Variants in CCT3 observed in about 807,000 individuals in gnomAD.
The protein encoded by CCT3 is T-complex protein 1 subunit gamma.
A neutral mutation model predicts 65.3 loss-of-function variants in CCT3; 10 were observed. That is an observed-to-expected ratio of 0.15 (90% confidence interval 0.09 to 0.26). CCT3 has a LOEUF of 0.26. Among genes scored for constraint, CCT3 ranks in the 10% least tolerant of loss-of-function variants. The pLI is 1.00. For missense variants in CCT3, 626 were observed against 708.7 expected, an observed-to-expected ratio of 0.88 and a Z score of 1.33; for synonymous variants, 225 against 242.3, an observed-to-expected ratio of 0.93 and a Z score of 0.66.
intron 10 of CCT3, among the ~76,000 whole-genome samples, chr1:156,312,519 C>T (rs1377868192): frequency 6.6e-6 from 1 of 152,030 alleles, no homozygotes; most frequent in East Asian, 1.9e-4. Flanking sequence ...ACTAGCTGGG[C>T]ACAGTGATGC....
intron 5 of CCT3, among the ~76,000 whole-genome samples, chr1:156,332,499 T>C (rs1665145275): frequency 6.6e-6 from 1 of 152,212 alleles, no homozygotes; most frequent in Admixed American, 6.5e-5. Flanking sequence ...TTTCTTATTA[T>C]TTGTAACCCC....
At chr1:156,309,827 A>G (rs932032262) in intron 13 of CCT3, among the ~76,000 whole-genome samples, 3 of 151,406 alleles carry the variant, frequency 2.0e-5, no homozygotes, top group African/African-American at 4.8e-5. Context: ...TCACAAGGTC[A>G]GGAGTTCGAG....
chr1:156,326,338 A>T (rs1664806334), intron 5 of CCT3, among the ~76,000 whole-genome samples: 1 of 152,064 alleles, frequency 6.6e-6, no homozygotes, highest in Non-Finnish European at 1.5e-5. Context: ...CAAAAAAATA[A>T]AAAATTAAAA....
intron 2 of CCT3, 35 bp from the exon 3 acceptor site, chr1:156,334,953 A>C: frequency 6.3e-7 from 1 of 1,594,424 alleles, no homozygotes; most frequent in Non-Finnish European, 8.6e-7. Context: ...CGCAAGCACA[A>C]ATCAGAGGAC....
Position 156,310,819 on chromosome 1 carries a change from G to C in CCT3, c.1402-130C>G, listed in dbSNP as rs1664052969. On this transcript the variant is annotated intron_variant, in intron 12 of 13. Transcript: ENST00000295688. ...TGGCAATGACAGCAAACAAGTCAAA[G>C]ACTAAAAGGAGAGAAAGATTTCAAG... The C allele has an allele frequency of 4.8e-6, 7 of 1,449,594 alleles. No individual in the cohort carries two copies. In the South Asian group the frequency reaches 7.8e-5, roughly 16 times the overall value. 89.8% of individuals were successfully genotyped at this position (1,449,594 alleles called of 1,614,324 possible).
At position 156,308,992 on chromosome 1, in the gene CCT3, G is replaced by A. The variant is rs539893045; in HGVS notation, c.*207C>T. ...CTCAAATGACTTAGATTTAATCATCGGAAGCAAACTAAATGGAAACCTTAC... is the reference window on the plus strand; with the variant it reads ...CTCAAATGACTTAGATTTAATCATCAGAAGCAAACTAAATGGAAACCTTAC... On this transcript the variant is annotated 3_prime_UTR_variant, in exon 14 of 14. Transcript: ENST00000295688. 11 of 462,876 alleles carry A rather than the reference G, an allele frequency of 2.4e-5. No homozygotes were observed. Among genetic ancestry groups the A allele is most frequent in the Admixed American group, 1.1e-4 (3 of 27,498 alleles). 28.7% of individuals were successfully genotyped at this position (462,876 alleles called of 1,614,324 possible). A position where few individuals can be genotyped will look rare whatever the true frequency, so the allele number is the denominator to read the frequency against.
At position 156,311,121 on chromosome 1, in the gene CCT3, C is replaced by G; in HGVS notation, c.1230G>C (p.Gly410=). Residue 410 remains glycine (G), a synonymous_variant, in exon 12 of 14, where the codon GGG becomes GGC. Transcript: ENST00000295688. ...NVLLDPQLVP[G]GGASEMAVAH... The stretch of plus-strand genomic sequence containing the variant: ...CCACAGCCATCTCGGAGGCCCCACC[C>G]CCTGGCACCAGCTGAGGGTCCAGGA... 1 of 1,614,116 alleles carries G rather than the reference C, an allele frequency of 6.2e-7. No homozygotes were observed.
chr1:156,326,149 CAT>C (rs1340018455), intron 5 of CCT3, among the ~76,000 whole-genome samples: 1 of 151,700 alleles, frequency 6.6e-6, no homozygotes, highest in Non-Finnish European at 1.5e-5. Context: ...GCCTGAGAAA[CAT>C]AGCAAAACCC....
chr1:156,338,076 G>A lies in CCT3; in HGVS notation c.31+78C>T. 2.7e-6 allele frequency: 4 copies of A among 1,486,786 alleles called. No individual in the cohort carries two copies. The Admixed American group carries it at 5.9e-5, about 22-fold the overall frequency. 92.1% of individuals were successfully genotyped at this position (1,486,786 alleles called of 1,614,324 possible). The stretch of plus-strand genomic sequence containing the variant: ...CTCAGTGGCCCGGTCAGTGGGGGAC[G>A]GAGCTGGGGCAACACTGAAAAGTAT... On this transcript the variant is annotated intron_variant, in intron 1 of 13. Transcript: ENST00000295688.
At position 156,317,448 on chromosome 1, in the gene CCT3, G is replaced by C. The variant is rs1326859400; in HGVS notation, c.859C>G (p.Pro287Ala). ...CCCTTTTCAGTGATGACCACATCGG[G>C]CTTCAGTTGGATAATGTCCTCACAG... ...QLCEDIIQLK[P>A]DVVITEKGIS... Residue 287 changes from proline to alanine, a missense_variant, in exon 9 of 14, where the codon CCC (proline) becomes GCC (alanine). Coordinates refer to ENST00000295688, the MANE Select transcript of CCT3 (RefSeq NM_005998.5). The C allele has an allele frequency of 1.2e-6, 2 of 1,613,850 alleles. No individual in the cohort carries two copies. The highest frequency in any genetic ancestry group is 1.7e-5 in the Admixed American group (1 of 59,994).
chr1:156,309,416 C>T, intron 13 of CCT3, 113 bp from the exon 14 acceptor site: 1 of 732,580 alleles, frequency 1.4e-6, no homozygotes, highest in Non-Finnish European at 2.4e-6. Flanking sequence ...TGTCTGAAAT[C>T]TACCTTTTCA....
intron 5 of CCT3, chr1:156,333,050 C>CT (rs1665174349): frequency 5.7e-6 from 1 of 176,444 alleles, no homozygotes; most frequent in Non-Finnish European, 1.2e-5. Flanking sequence ...AATCCCAGCA[C>CT]TTTGGGAGGC....
rs151247745 is a variant in CCT3, at chr1:156,313,461, C to A, written c.975-1240G>T. On this transcript the variant is annotated intron_variant, in intron 10 of 13. Coordinates refer to ENST00000295688, the MANE Select transcript of CCT3 (RefSeq NM_005998.5). Reference sequence around the variant, plus strand: ...AGCGACCTAATCAGGAAGATTATGCCACAAATGACATTTATTAGTAAGAAA... The same window carrying A: ...AGCGACCTAATCAGGAAGATTATGCAACAAATGACATTTATTAGTAAGAAA... 1.8e-3 allele frequency among the ~76,000 whole-genome samples: 272 copies of A among 151,612 alleles called. 2 individuals are homozygous for A. The highest frequency in any genetic ancestry group is 6.3e-3 in the African/African-American group (261 of 41,324).
At chr1:156,330,889 G>A (rs1260773404) in intron 5 of CCT3, among the ~76,000 whole-genome samples, 1 of 151,704 alleles carries the variant, frequency 6.6e-6, no homozygotes, top group East Asian at 1.9e-4. Context: ...ACTCCAGCCT[G>A]GGCGACTCTG....
intron 6 of CCT3, 47 bp downstream of exon 6, chr1:156,324,925 C>G (rs756813542): frequency 3.1e-6 from 4 of 1,288,564 alleles, no homozygotes; most frequent in Non-Finnish European, 2.3e-6. Flanking sequence ...CCACGTCTAG[C>G]CAGGCCTCTC....
chr1:156,330,042 A>G (rs1665041753), intron 5 of CCT3, among the ~76,000 whole-genome samples: 2 of 152,266 alleles, frequency 1.3e-5, no homozygotes, highest in African/African-American at 4.8e-5. Flanking sequence ...GGGCTGGTCA[A>G]GTGTTCTTTT....
chr1:156,312,283 G>A, intron 10 of CCT3, 62 bp from the exon 11 acceptor site: 1 of 1,496,394 alleles, frequency 6.7e-7, no homozygotes, highest in Non-Finnish European at 9.1e-7. Context: ...CATTTCCCTA[G>A]TCTCTAGGGT....
intron 8 of CCT3, among the ~76,000 whole-genome samples, chr1:156,317,794 T>C (rs1254284599): frequency 2.0e-5 from 3 of 151,746 alleles, no homozygotes; most frequent in African/African-American, 2.4e-5. Flanking sequence ...CTGCAAGCTC[T>C]GCCTCCTGGG....
rs1664109989 is a variant in CCT3 at position 156,312,153 on chromosome 1, C to T, written c.1043G>A (p.Gly348Asp). 12 of 1,614,110 alleles carry T rather than the reference C, an allele frequency of 7.4e-6. No homozygotes were observed. Among genetic ancestry groups the T allele is most frequent in the Non-Finnish European group, 1.0e-5 (12 of 1,180,012 alleles). The change falls in exon 11 of 14, where the codon GGC (glycine) becomes GAC (aspartate). Residue 348 changes from glycine to aspartate, a missense_variant. Transcript: ENST00000295688. ...LREDDVGTGA[G>D]LLEIKKIGDE... is the part of the protein sequence containing the mutation. The stretch of plus-strand genomic sequence containing the variant: ...TCCAATTTTCTTGATTTCCAACAGG[C>T]CTGCTCCTGTTCCAACATCATCTTC...
Sources: gnomAD v4.1 joint callset for allele counts (sites outside exome capture counted in the v4.1 genomes callset) on GRCh38, gnomAD v4.1.1 for gene constraint, MANE v1.5 for transcripts, NCBI Gene and HGNC (gene_info 2026-07-23, HGNC 2026-07-21) for gene names.